Variants in ELFN1 observed in about 807,000 individuals in gnomAD.
The protein encoded by ELFN1 is protein ELFN1.
Under a neutral mutation model 7.6 loss-of-function variants are expected in ELFN1, and 6 were observed. The observed-to-expected ratio is 0.79, with a 90% CI of 0.43 to 1.56. ELFN1 has a LOEUF of 1.56. ELFN1 is among the 40% of genes most tolerant of loss of function. ELFN1 has a pLI of 0.01. For synonymous variants in ELFN1, 657 were observed against 588.1 expected, an observed-to-expected ratio of 1.12 and a Z score of -1.70; for missense variants, 1,169 against 1,232.2, an observed-to-expected ratio of 0.95 and a Z score of 0.77.
intron 3 of ELFN1, among the ~76,000 whole-genome samples, chr7:1,718,445 T>C (rs1277693377): frequency 6.6e-6 from 1 of 152,194 alleles, no homozygotes; most frequent in Non-Finnish European, 1.5e-5. Context: ...TGGGGGTGAC[T>C]GACCTATCCA....
intron 3 of ELFN1, among the ~76,000 whole-genome samples, chr7:1,737,107 A>C (rs1780470201): frequency 1.3e-5 from 2 of 148,538 alleles, no homozygotes; most frequent in African/African-American, 2.5e-5. Context: ...GCTCGAACAC[A>C]CCCCCTCTCC....
intron 2 of ELFN1, among the ~76,000 whole-genome samples, chr7:1,696,500 T>G (rs990723420): frequency 1.1e-4 from 17 of 150,638 alleles, no homozygotes. Context: ...CAAGCCATCC[T>G]CCCACCTCAG....
intron 2 of ELFN1, among the ~76,000 whole-genome samples, chr7:1,700,928 C>T (rs1257918846): frequency 6.6e-6 from 1 of 152,214 alleles, no homozygotes; most frequent in Admixed American, 6.5e-5. Flanking sequence ...AAGATCTCTG[C>T]TCATTTTATG....
At position 1,673,086 on chromosome 7, in the gene ELFN1, C is replaced by CT. The variant is rs1554245204; in HGVS notation, c.-549+2732_-549+2733insT. ...GGATACATTTGTCATCTCTCCAGCGCCCCCCCCCGCTCTTTCCTTTTTGTT... is the reference window on the plus strand; with the variant it reads ...GGATACATTTGTCATCTCTCCAGCGCTCCCCCCCCGCTCTTTCCTTTTTGTT... On this transcript the variant is annotated intron_variant, in intron 1 of 3. Transcript: ENST00000424383. The surrounding 1 kb of genome is among the most constrained non-coding windows in gnomAD (Gnocchi z 4.7). Among the ~76,000 whole-genome samples, 1 of 89,226 alleles carries CT rather than the reference C, an allele frequency of 1.1e-5. No individual in the cohort carries two copies. The highest frequency in any genetic ancestry group is 1.0e-4 in the African/African-American group (1 of 10,024). The allele number at this position is 89,226 out of a possible 152,430, so 58.5% of individuals were successfully genotyped here.
At chr7:1,729,688 T>G (rs1268524272) in intron 3 of ELFN1, among the ~76,000 whole-genome samples, 2 of 152,132 alleles carry the variant, frequency 1.3e-5, no homozygotes, top group Non-Finnish European at 2.9e-5. Context: ...TGTCAAGGTC[T>G]CTGCAGACTC....
chr7:1,694,273 T>G (rs1238506920), intron 2 of ELFN1: 1 of 168,610 alleles, frequency 5.9e-6, no homozygotes, highest in Non-Finnish European at 1.3e-5. Context: ...AAACCCACAC[T>G]GGCCTCCCTG....
intron 2 of ELFN1, among the ~76,000 whole-genome samples, chr7:1,700,254 C>T (rs202142955): frequency 8.2e-6 from 1 of 122,648 alleles, no homozygotes; most frequent in East Asian, 2.2e-4. Context: ...GAAAGAATAA[C>T]CACCGTGTGA....
At chr7:1,676,416 G>A (rs924682800) in intron 1 of ELFN1, among the ~76,000 whole-genome samples, 1 of 152,204 alleles carries the variant, frequency 6.6e-6, no homozygotes, top group Admixed American at 6.5e-5. Flanking sequence ...TCTGGTGTTC[G>A]GCGTGACCTG....
upstream of ELFN1, among the ~76,000 whole-genome samples, chr7:1,669,807 C>G (rs909459331): frequency 1.3e-5 from 2 of 152,118 alleles, no homozygotes; most frequent in African/African-American, 4.8e-5. Context: ...CTTGGCTTTG[C>G]TTGAGGTGGT....
upstream of ELFN1, among the ~76,000 whole-genome samples, chr7:1,670,044 A>T (rs1778732164): frequency 6.6e-6 from 1 of 150,452 alleles, no homozygotes; most frequent in African/African-American, 2.5e-5. This position sits in a 1 kb window ranked among gnomAD's most constrained non-coding sequence, Gnocchi z 6.4. Flanking sequence ...GGGGCTCGGG[A>T]GGCCAGGGAG....
intron 1 of ELFN1, among the ~76,000 whole-genome samples, chr7:1,671,456 C>T (rs912405806): frequency 3.3e-5 from 5 of 152,246 alleles, no homozygotes; most frequent in Non-Finnish European, 7.3e-5. Context: ...GCTGCCTCTG[C>T]CGCTCATTCC....
Position 1,746,918 on chromosome 7 carries a change from G to C in ELFN1, c.2322G>C (p.Gln774His). ...SSPEYTCRAS[Q>H]SIWERFRLSR... is the part of the protein sequence containing the mutation. ...CCGAGTACACCTGCCGGGCCTCCCA[G>C]AGCATCTGGGAGCGCTTCAGACTGA... Residue 774 changes from glutamine to histidine, a missense_variant, in exon 4 of 4, where the codon CAG becomes CAC. This residue lies in a region of ELFN1 where 914 missense variants were observed against 872.6 expected (regional missense o/e 1.05). Coordinates refer to ENST00000424383, the MANE Select transcript of ELFN1 (RefSeq NM_001128636.4). 2 of 1,549,046 alleles carry C rather than the reference G, an allele frequency of 1.3e-6. No individual in the cohort carries two copies. The highest frequency in any genetic ancestry group is 1.7e-6 in the Non-Finnish European group (2 of 1,146,252).
At position 1,735,570 on chromosome 7, in the gene ELFN1, C is replaced by G. The variant is rs1456841430; in HGVS notation, c.-293-8734C>G. On this transcript the variant is annotated intron_variant, in intron 3 of 3. Coordinates refer to ENST00000424383, the MANE Select transcript of ELFN1 (RefSeq NM_001128636.4). This position sits in a 1 kb window ranked among gnomAD's most constrained non-coding sequence, Gnocchi z 5.9. ...TGCCTGCAACCCCCGCCAGCCTCCC[C>G]TGGACAATAGGATGGGAGCAGGGAG... Among the ~76,000 whole-genome samples the G allele has an allele frequency of 3.3e-5, 5 of 152,110 alleles. No homozygotes were observed. The highest frequency in any genetic ancestry group is 3.3e-4 in the Admixed American group (5 of 15,288).
rs563076900 is a variant in ELFN1 at position 1,696,967 on chromosome 7, C to T, written c.-456+8817C>T. 3.7e-3 allele frequency among the ~76,000 whole-genome samples: 557 copies of T among 152,374 alleles called. 3 individuals carry two copies. Among genetic ancestry groups the T allele is most frequent in the Non-Finnish European group, 6.0e-3 (411 of 68,042 alleles). On this transcript the variant is annotated intron_variant, in intron 2 of 3. Transcript: ENST00000424383. Reference sequence around the variant, plus strand: ...ACCACGAGCAATGCACTAGCAGGGACTGCTCGTCCCCTTTCAGTGGGGCAG... The same window carrying T: ...ACCACGAGCAATGCACTAGCAGGGATTGCTCGTCCCCTTTCAGTGGGGCAG...
chr7:1,680,395 T>G (rs2128576380), intron 1 of ELFN1, among the ~76,000 whole-genome samples: 1 of 152,324 alleles, frequency 6.6e-6, no homozygotes, highest in Non-Finnish European at 1.5e-5. Flanking sequence ...GGTAAAGTCA[T>G]TCTGGTTCTC....
In ELFN1 at chr7:1,746,872, G is replaced by C. The variant is rs1780818038; in HGVS notation, c.2276G>C (p.Ser759Thr). Reference protein sequence around the residue: ...AYSQLSPQYHSLSYSSSPEYT... With the variant: ...AYSQLSPQYHTLSYSSSPEYT... ...TCGCAGCTGTCCCCGCAGTACCACA[G>C]CCTGAGCTACTCCTCCAGCCCCGAG... Residue 759 changes from serine (S) to threonine (T), a missense_variant, in exon 4 of 4, where the codon AGC (serine) becomes ACC (threonine). Around this residue, in one of 2 missense-constraint regions of ELFN1, gnomAD observed 914 missense variants for 872.6 expected, o/e 1.05. Transcript: ENST00000424383. The C allele has an allele frequency of 6.5e-7, 1 of 1,543,398 alleles. No homozygotes were observed. Among genetic ancestry groups the C allele is most frequent in the South Asian group, 1.2e-5 (1 of 83,022 alleles).
rs995483045 is a variant in ELFN1, at chr7:1,746,731, C to T, written c.2135C>T (p.Pro712Leu). 61 of 1,483,384 alleles carry T rather than the reference C, an allele frequency of 4.1e-5. No individual in the cohort carries two copies. Among genetic ancestry groups the T allele is most frequent in the Admixed American group, 3.9e-4 (17 of 43,764 alleles). The allele number at this position is 1,483,384 out of a possible 1,614,324, so 91.9% of individuals were successfully genotyped here. The change falls in exon 4 of 4, where the codon CCG becomes CTG. Residue 712 changes from proline (P) to leucine (L), a missense_variant. Around this residue, in one of 2 missense-constraint regions of ELFN1, gnomAD observed 914 missense variants for 872.6 expected, o/e 1.05. Coordinates refer to ENST00000424383, the MANE Select transcript of ELFN1 (RefSeq NM_001128636.4). ...EHRHSYPGSH[P>L]AEPPAPPGPP... is the part of the protein sequence containing the mutation. ...CGGCACTCGTACCCCGGCTCCCACC[C>T]GGCCGAGCCACCTGCGCCCCCCGGG...
intron 3 of ELFN1, among the ~76,000 whole-genome samples, chr7:1,731,901 C>T (rs1008769101): frequency 4.6e-5 from 7 of 152,226 alleles, no homozygotes; most frequent in African/African-American, 9.7e-5. Context: ...CTGTCCGCCT[C>T]GGCCTCCCAA....
intron 1 of ELFN1, among the ~76,000 whole-genome samples, chr7:1,672,577 C>T (rs569073448): frequency 2.6e-5 from 4 of 152,294 alleles, no homozygotes; most frequent in East Asian, 3.9e-4. Flanking sequence ...GGGGTAAAAT[C>T]GGAGTGGCTG....
Sources: allele counts gnomAD v4.1 joint callset (sites outside exome capture counted in the v4.1 genomes callset), GRCh38; gene constraint gnomAD v4.1.1; regional missense constraint gnomAD v4.1.1; non-coding constraint Gnocchi (gnomAD v3.1); transcripts MANE v1.5; gene names NCBI Gene and HGNC (gene_info 2026-07-23, HGNC 2026-07-21).